MRPL27: variants seen among roughly 807,000 people sequenced by gnomAD.
MRPL27 encodes the protein mitochondrial ribosomal protein L27.
A neutral mutation model predicts 14.6 loss-of-function variants in MRPL27; 4 were observed. The observed-to-expected ratio is 0.27, with a 90% CI of 0.14 to 0.63. MRPL27 has a LOEUF of 0.63. Among genes scored for constraint, MRPL27 ranks in the 20% least tolerant of loss-of-function variants. The pLI is 0.85. For synonymous variants in MRPL27, 82 were observed against 75.5 expected, an observed-to-expected ratio of 1.09 and a Z score of -0.45; for missense variants, 196 against 192.8, an observed-to-expected ratio of 1.02 and a Z score of -0.10.
intron 2 of MRPL27, 123 bp downstream of exon 2, chr17:50,370,332 A>T: frequency 1.3e-6 from 2 of 1,502,772 alleles, no homozygotes; most frequent in Non-Finnish European, 1.8e-6. Context: ...CCGTTCCTTT[A>T]AACTGGAGCC....
chr17:50,368,928 C>T (rs2143273162), intron 3 of MRPL27: 1 of 688,716 alleles, frequency 1.5e-6, no homozygotes, highest in East Asian at 2.7e-5. Flanking sequence ...CAGTTTTTAA[C>T]CATATTTTTT....
intron 1 of MRPL27, chr17:50,370,857 TGA>T: frequency 2.6e-6 from 1 of 378,990 alleles, no homozygotes; most frequent in Non-Finnish European, 5.0e-6. Context: ...CTAAATGTGC[TGA>T]GGAGAAATGG....
In MRPL27 at chr17:50,370,247, C is replaced by T. The variant is rs181849411; in HGVS notation, c.173-148G>A. 2.1e-4 allele frequency: 238 copies of T among 1,130,482 alleles called. No homozygotes were observed. In the African/African-American group the frequency reaches 3.4e-3, roughly 16 times the overall value. 70.0% of individuals were successfully genotyped at this position (1,130,482 alleles called of 1,614,324 possible). The stretch of plus-strand genomic sequence containing the variant: ...AACACAAGCAGCGCAGGATCTGCCA[C>T]CCAGCAGCTCTTGTCTCTAATTGCA... On this transcript the variant is annotated intron_variant, in intron 2 of 3. Transcript: ENST00000225969.
chr17:50,372,716 G>T (rs150802116), intron 1 of MRPL27, among the ~76,000 whole-genome samples: 1 of 152,204 alleles, frequency 6.6e-6, no homozygotes, highest in African/African-American at 2.4e-5. Flanking sequence ...CCGTTCGGGG[G>T]CTAGAAGCCA....
At chr17:50,372,928 T>A (rs188189728) in intron 1 of MRPL27, 10 of 661,176 alleles carry the variant, frequency 1.5e-5, no homozygotes, top group Admixed American at 2.9e-5. Context: ...GAAAGACAAG[T>A]GCTCTTCAAA....
chr17:50,370,975 G>A (rs948883992), intron 1 of MRPL27: 5 of 166,332 alleles, frequency 3.0e-5, no homozygotes, highest in African/African-American at 1.2e-4. Flanking sequence ...TTCGGTTTCA[G>A]GCTCACCCAC....
intron 2 of MRPL27, 146 bp downstream of exon 2, chr17:50,370,309 C>T (rs1913092500): frequency 7.3e-7 from 1 of 1,366,148 alleles, no homozygotes; most frequent in South Asian, 1.3e-5. Flanking sequence ...GATGACCCTT[C>T]CTCAGGTCTT....
chr17:50,368,142 C>T lies in MRPL27; in HGVS notation c.397G>A (p.Val133Met), dbSNP rs142736439. The T allele has an allele frequency of 8.2e-5, 133 of 1,614,094 alleles. No homozygotes were observed. Among genetic ancestry groups the T allele is most frequent in the Non-Finnish European group, 4.7e-5 (55 of 1,180,034 alleles). ...GTGCCCTCAGGCTTGGCAGGAACCA[C>T]GTGGACAAAAGTCTTGTAGAGCACA... ...GAVLYKTFVH[V>M]VPAKPEGTFK... Residue 133 changes from valine to methionine, a missense_variant, in exon 4 of 4, where the codon GTG becomes ATG. Val to Met is a conservative substitution (Grantham distance 21). Coordinates refer to ENST00000225969, the MANE Select transcript of MRPL27 (RefSeq NM_016504.3).
chr17:50,370,807 A>G, intron 1 of MRPL27: 1 of 514,838 alleles, frequency 1.9e-6, no homozygotes, highest in Non-Finnish European at 3.5e-6. Flanking sequence ...CAAATGGAAA[A>G]AAATAAACAT....
chr17:50,368,613 T>C (rs767011729), intron 3 of MRPL27: 12 of 592,296 alleles, frequency 2.0e-5, no homozygotes, highest in Non-Finnish European at 3.6e-5. Flanking sequence ...CCCAGGAAGA[T>C]GCCCTAAATC....
At chr17:50,370,668 A>T in intron 1 of MRPL27, 82 bp from the exon 2 acceptor site, 6 of 1,535,938 alleles carry the variant, frequency 3.9e-6, no homozygotes, top group Non-Finnish European at 4.4e-6. Flanking sequence ...GATACGTGAG[A>T]GGCGGTGGGG....
At chr17:50,372,809 GATTA>G (rs1913215126) in intron 1 of MRPL27, 3 of 406,898 alleles carry the variant, frequency 7.4e-6, no homozygotes, top group Non-Finnish European at 1.3e-5. Context: ...TGAATCAATA[GATTA>G]ATTTTTTCAA....
chr17:50,369,870 G>C, intron 3 of MRPL27, 162 bp downstream of exon 3: 1 of 824,340 alleles, frequency 1.2e-6, no homozygotes, highest in Non-Finnish European at 2.0e-6. Context: ...CTTACTTACA[G>C]GGATGTGGTA....
At chr17:50,372,181 T>C (rs374436840) in intron 1 of MRPL27, among the ~76,000 whole-genome samples, 8 of 150,976 alleles carry the variant, frequency 5.3e-5, no homozygotes, top group Admixed American at 4.0e-4. Flanking sequence ...CTTCTCAAAA[T>C]GTAAAACTGG....
intron 3 of MRPL27, chr17:50,368,626 CACTTAG>C (rs1247080387): frequency 3.2e-5 from 19 of 592,384 alleles, no homozygotes; most frequent in Admixed American, 2.2e-4. Flanking sequence ...CCTAAATCTT[CACTTAG>C]ACTTAAACAA....
chr17:50,371,744 G>A (rs1369948967), intron 1 of MRPL27, among the ~76,000 whole-genome samples: 2 of 152,154 alleles, frequency 1.3e-5, no homozygotes, highest in African/African-American at 2.4e-5. Flanking sequence ...AAGACAACAT[G>A]TTAAAACATG....
At chr17:50,369,883 G>T in intron 3 of MRPL27, 149 bp downstream of exon 3, 1 of 907,580 alleles carries the variant, frequency 1.1e-6, no homozygotes, top group Non-Finnish European at 1.7e-6. Context: ...ATGTGGTAAG[G>T]AAGAAATGAG....
intron 3 of MRPL27, 152 bp downstream of exon 3, chr17:50,369,880 A>G (rs1441379307): frequency 6.9e-6 from 6 of 869,902 alleles, no homozygotes; most frequent in Admixed American, 4.7e-5. Flanking sequence ...GGGATGTGGT[A>G]AGGAAGAAAT....
In MRPL27 at chr17:50,368,467, T is replaced by C. The variant is rs1185795558; in HGVS notation, c.241-169A>G. On this transcript the variant is annotated intron_variant, in intron 3 of 3. Coordinates refer to ENST00000225969, the MANE Select transcript of MRPL27 (RefSeq NM_016504.3). ...TGGCTAGCACGTCCAAACCTTCTGC[T>C]TCTTTATTGACTCATAACAAATGAG... The C allele has an allele frequency of 4.5e-6, 3 of 662,842 alleles. No homozygotes were observed. In the East Asian group the frequency reaches 8.2e-5, roughly 18 times the overall value. The allele number at this position is 662,842 out of a possible 1,614,324, so 41.1% of individuals were successfully genotyped here. A position where few individuals can be genotyped will look rare whatever the true frequency, so the allele number is the denominator to read the frequency against.
Sources: allele counts gnomAD v4.1 joint callset (sites outside exome capture counted in the v4.1 genomes callset), GRCh38; gene constraint gnomAD v4.1.1; transcripts MANE v1.5; gene names NCBI Gene and HGNC (gene_info 2026-07-23, HGNC 2026-07-21).